Variants in FERMT2 observed in about 807,000 individuals in gnomAD.
The protein encoded by FERMT2 is fermitin family homolog 2.
In FERMT2, 15 loss-of-function variants were observed where a neutral mutation model predicts 82.7. That is an observed-to-expected ratio of 0.18 (90% CI 0.12 to 0.28). The LOEUF is 0.28. Ranked by LOEUF, FERMT2 falls within the 10% of genes least tolerant of loss-of-function variation. The pLI, the probability that FERMT2 is intolerant of heterozygous loss-of-function variation, is 1.00. For synonymous variants in FERMT2, 274 were observed against 271.5 expected, an observed-to-expected ratio of 1.01 and a Z score of -0.09; for missense variants, 645 against 809.4, an observed-to-expected ratio of 0.80 and a Z score of 2.46.
intron 7 of FERMT2, among the ~76,000 whole-genome samples, chr14:52,875,951 G>C (rs777883997): frequency 6.6e-6 from 1 of 152,160 alleles, no homozygotes; most frequent in Non-Finnish European, 1.5e-5. Context: ...GGCAGAGAGA[G>C]AGTAGTGAGT....
intron 2 of FERMT2, among the ~76,000 whole-genome samples, chr14:52,949,240 C>A (rs1890499956): frequency 6.6e-6 from 1 of 152,078 alleles, no homozygotes; most frequent in African/African-American, 2.4e-5. Flanking sequence ...CCAAATGAAT[C>A]CTGCCTTATT....
Position 52,908,119 on chromosome 14 carries a change from T to A in FERMT2, c.391+11004A>T, listed in dbSNP as rs556379964. Among the ~76,000 whole-genome samples the A allele has an allele frequency of 2.3e-3, 343 of 152,206 alleles. 3 individuals are homozygous for A. Among genetic ancestry groups the A allele is most frequent in the Non-Finnish European group, 3.0e-3 (206 of 68,002 alleles). On this transcript the variant is annotated intron_variant, in intron 3 of 14. Coordinates refer to ENST00000341590, the MANE Select transcript of FERMT2 (RefSeq NM_006832.3). ...TGCTCAACATCATTAGTCACTAGGG[T>A]AATGCGAATTAAAGCCACAAGGAGA...
chr14:52,864,686 T>C (rs1885165315), intron 11 of FERMT2, 61 bp downstream of exon 11: 3 of 1,572,196 alleles, frequency 1.9e-6, no homozygotes, highest in African/African-American at 2.7e-5. Context: ...GTATAAAATA[T>C]AAGGATGACT....
At chr14:52,883,531 T>C (rs1309854989) in intron 4 of FERMT2, among the ~76,000 whole-genome samples, 1 of 152,214 alleles carries the variant, frequency 6.6e-6, no homozygotes, top group East Asian at 1.9e-4. Flanking sequence ...AGAATGTCAG[T>C]ATACTGAAAA....
chr14:52,897,383 AGATG>A (rs1887347910), intron 3 of FERMT2, among the ~76,000 whole-genome samples: 1 of 152,172 alleles, frequency 6.6e-6, no homozygotes, highest in Admixed American at 6.5e-5. Flanking sequence ...AGATGGAACA[AGATG>A]GATATATGTT....
At chr14:52,888,099 A>G (rs940381828) in intron 4 of FERMT2, among the ~76,000 whole-genome samples, 1 of 152,210 alleles carries the variant, frequency 6.6e-6, no homozygotes, top group African/African-American at 2.4e-5. Context: ...CTCCTAGAAT[A>G]TAAATTCATA....
At chr14:52,881,835 GAAAGGAAAGAAAGGAATTCAGAAGGT>G (rs919328692) in intron 4 of FERMT2, 4 of 1,251,026 alleles carry the variant, frequency 3.2e-6, no homozygotes, top group African/African-American at 3.1e-5. Context: ...GTGCCTATAG[GAAAGGAAAGAAAGGAATTCAGAAGGT>G]AAAGGAAAGG....
At chr14:52,879,859 A>G (rs1886188095) in intron 6 of FERMT2, among the ~76,000 whole-genome samples, 2 of 152,198 alleles carry the variant, frequency 1.3e-5, no homozygotes, top group East Asian at 1.9e-4. Context: ...TTTATGGTAA[A>G]GTTAAATCTT....
At chr14:52,941,494 G>A (rs1048328149) in intron 2 of FERMT2, among the ~76,000 whole-genome samples, 1 of 152,102 alleles carries the variant, frequency 6.6e-6, no homozygotes, top group African/African-American at 2.4e-5. Context: ...CAACTAATTT[G>A]TTAAAGAATG....
intron 1 of FERMT2, 87 bp from the exon 2 acceptor site, chr14:52,950,664 C>G: frequency 7.1e-7 from 1 of 1,412,930 alleles, no homozygotes; most frequent in Admixed American, 1.8e-5. Flanking sequence ...CGGCCACGGG[C>G]TGGGAGGTGG....
At chr14:52,929,528 C>G (rs1889466556) in intron 2 of FERMT2, among the ~76,000 whole-genome samples, 1 of 152,180 alleles carries the variant, frequency 6.6e-6, no homozygotes, top group Non-Finnish European at 1.5e-5. Context: ...ATCTACTCCT[C>G]CAAATTTATC....
intron 2 of FERMT2, chr14:52,928,173 A>C (rs907988030): frequency 2.9e-5 from 7 of 245,208 alleles, no homozygotes; most frequent in African/African-American, 1.1e-4. Flanking sequence ...AAATTTGTTT[A>C]GTATTCTCAC....
At chr14:52,927,887 C>T (rs942083531) in intron 2 of FERMT2, 1 of 225,522 alleles carries the variant, frequency 4.4e-6, no homozygotes, top group Non-Finnish European at 9.6e-6. Context: ...TCTGCCTCAT[C>T]TAAACCACCA....
At chr14:52,862,684 AT>A (rs1443796843) in intron 12 of FERMT2, 1 of 152,162 alleles carries the variant, frequency 6.6e-6, no homozygotes, top group Non-Finnish European at 1.5e-5. Context: ...AGAGAACAAA[AT>A]ACACACCAAA....
At chr14:52,913,089 C>T (rs1888416869) in intron 3 of FERMT2, among the ~76,000 whole-genome samples, 3 of 152,166 alleles carry the variant, frequency 2.0e-5, no homozygotes, top group Middle Eastern at 3.4e-3. Context: ...TTAAAAACAG[C>T]AACAACAAAC....
intron 2 of FERMT2, among the ~76,000 whole-genome samples, chr14:52,946,628 G>A (rs906765734): frequency 2.0e-5 from 3 of 152,142 alleles, no homozygotes; most frequent in South Asian, 4.1e-4. Context: ...TCCAGCCTGG[G>A]TGACAGTGCA....
At position 52,893,986 on chromosome 14, in the gene FERMT2, G is replaced by A. The variant is rs113657131; in HGVS notation, c.392-559C>T. ...TGGGGTTACAGGCATGTGCCACCAC[G>A]CCTGGCTAATTTTGTATTTTTAATA... is the stretch of plus-strand genomic sequence containing the variant. On this transcript the variant is annotated intron_variant, in intron 3 of 14. Transcript: ENST00000341590. Among the ~76,000 whole-genome samples the A allele has an allele frequency of 4.6e-3, 706 of 152,132 alleles. 6 individuals carry two copies. Among genetic ancestry groups the A allele is most frequent in the African/African-American group, 0.016 (652 of 41,506 alleles).
chr14:52,896,243 T>C (rs147500057), intron 3 of FERMT2, among the ~76,000 whole-genome samples: 1 of 152,306 alleles, frequency 6.6e-6, no homozygotes, highest in Non-Finnish European at 1.5e-5. Context: ...AGCACTATAC[T>C]ATATGTCAGA....
chr14:52,942,306 CTTT>C (rs200747260), intron 2 of FERMT2, among the ~76,000 whole-genome samples: 2 of 138,778 alleles, frequency 1.4e-5, no homozygotes, highest in Non-Finnish European at 3.1e-5. Context: ...TTTTCTTTTT[CTTT>C]TTTTTTTTTT....
Sources: allele counts gnomAD v4.1 joint callset (sites outside exome capture counted in the v4.1 genomes callset), GRCh38; gene constraint gnomAD v4.1.1; transcripts MANE v1.5; gene names NCBI Gene and HGNC (gene_info 2026-07-23, HGNC 2026-07-21).